XIRP2: variants seen among roughly 807,000 people sequenced by gnomAD.
The protein encoded by XIRP2 is xin actin-binding repeat-containing protein 2.
XIRP2 carries 236 observed loss-of-function variants against 277.0 expected under a neutral mutation model. The observed-to-expected ratio is 0.85, with a 90% CI of 0.77 to 0.95. The LOEUF (loss-of-function observed/expected upper bound fraction) is 0.95, where lower values mean the gene tolerates loss of function less well. Ranked by LOEUF, XIRP2 falls within the 40% of genes least tolerant of loss-of-function variation. XIRP2 has a pLI of 0.00. For synonymous variants in XIRP2, 1,490 were observed against 1,416.5 expected (o/e 1.05, Z -1.17); for missense variants, 4,640 against 4,157.5 (o/e 1.12, Z -3.19).
At chr2:167,229,691 A>G (rs2105415347) in intron 5 of XIRP2, among the ~76,000 whole-genome samples, 1 of 152,206 alleles carries the variant, frequency 6.6e-6, no homozygotes, top group East Asian at 1.9e-4. Context: ...TTTGATGTTC[A>G]TTTAGTTATT....
intron 1 of XIRP2, among the ~76,000 whole-genome samples, chr2:166,889,204 C>T (rs1283333006): frequency 6.6e-6 from 1 of 152,200 alleles, no homozygotes; most frequent in African/African-American, 2.4e-5. Context: ...TTCTTAGGCA[C>T]TCCAACAAGG....
chr2:166,932,635 A>T (rs1286626944), intron 2 of XIRP2, among the ~76,000 whole-genome samples: 1 of 152,124 alleles, frequency 6.6e-6, no homozygotes, highest in Admixed American at 6.6e-5. Flanking sequence ...TATTATAATA[A>T]TATTTCTATA....
intron 2 of XIRP2, among the ~76,000 whole-genome samples, chr2:167,007,206 G>A (rs552881103): frequency 6.6e-6 from 1 of 151,542 alleles, no homozygotes; most frequent in African/African-American, 2.4e-5. Context: ...AACCACACTT[G>A]AGCCTGGGTC....
At chr2:166,914,995 T>G (rs1172016025) in intron 2 of XIRP2, among the ~76,000 whole-genome samples, 2 of 152,000 alleles carry the variant, frequency 1.3e-5, no homozygotes, top group African/African-American at 4.8e-5. Context: ...GTTTGTTTGT[T>G]TTTTAAAAAA....
At position 167,245,785 on chromosome 2, in the gene XIRP2, AGAG is replaced by A. The variant is rs747643133; in HGVS notation, c.4397_4399del (p.Gly1466del). 5.6e-6 allele frequency: 9 copies of A among 1,613,802 alleles called. No individual in the cohort carries two copies. Among genetic ancestry groups the A allele is most frequent in the Admixed American group, 1.7e-5 (1 of 59,994 alleles). On this transcript the variant is annotated inframe_deletion, in exon 9 of 11. Coordinates refer to ENST00000409195, the MANE Select transcript of XIRP2 (RefSeq NM_152381.6). Reference sequence around the variant, plus strand: ...TGAAACCCACACTATGGATGAACTGAGAGGAGAAGGGTTAGAATATGAAAATAT... The same window carrying A: ...TGAAACCCACACTATGGATGAACTGAGAGAAGGGTTAGAATATGAAAATAT...
At chr2:166,987,991 C>A (rs543969365) in intron 2 of XIRP2, among the ~76,000 whole-genome samples, 1 of 152,258 alleles carries the variant, frequency 6.6e-6, no homozygotes, top group South Asian at 2.1e-4. Context: ...TATAAAATAA[C>A]CACGAAGCAA....
rs1692079971 is a variant in XIRP2, at chr2:167,153,431, A to C, written c.562+17369A>C. Among the ~76,000 whole-genome samples the C allele has an allele frequency of 4.6e-5, 7 of 151,840 alleles. No individual in the cohort carries two copies. In the South Asian group the frequency reaches 1.5e-3, roughly 32 times the overall value. ...TTTTATTTTATTGTTATTATACTTT[A>C]AGTTTTAGGGTACATGTGCACAATG... On this transcript the variant is annotated intron_variant, in intron 3 of 10. Coordinates refer to ENST00000409195, the MANE Select transcript of XIRP2 (RefSeq NM_152381.6).
intron 2 of XIRP2, among the ~76,000 whole-genome samples, chr2:166,924,590 T>A (rs1251333785): frequency 6.6e-6 from 1 of 152,032 alleles, no homozygotes; most frequent in East Asian, 1.9e-4. Flanking sequence ...ATGACAATGA[T>A]CTCTTCTGTC....
chr2:167,030,514 T>C (rs1688313879), intron 2 of XIRP2, among the ~76,000 whole-genome samples: 1 of 152,202 alleles, frequency 6.6e-6, no homozygotes, highest in African/African-American at 2.4e-5. Flanking sequence ...TTCCATGTAG[T>C]TGTGCAGTTT....
chr2:166,927,074 C>A (rs1325087971), intron 2 of XIRP2, among the ~76,000 whole-genome samples: 1 of 152,054 alleles, frequency 6.6e-6, no homozygotes, highest in Non-Finnish European at 1.5e-5. Context: ...TTTTCTGGGG[C>A]TATTTTCAAG....
At chr2:167,123,332 A>C (rs139418152) in intron 2 of XIRP2, among the ~76,000 whole-genome samples, 74 of 152,276 alleles carry the variant, frequency 4.9e-4, no homozygotes, top group African/African-American at 1.7e-3. Flanking sequence ...GGCTGTAGAC[A>C]CACAACTAGC....
chr2:167,225,387 A>G (rs1241151390), intron 5 of XIRP2, among the ~76,000 whole-genome samples: 1 of 152,124 alleles, frequency 6.6e-6, no homozygotes, highest in Non-Finnish European at 1.5e-5. Flanking sequence ...TAGTTGATGT[A>G]TGGAAGGGAA....
intron 2 of XIRP2, among the ~76,000 whole-genome samples, chr2:167,134,818 G>A (rs1378739396): frequency 6.6e-6 from 1 of 152,142 alleles, no homozygotes; most frequent in African/African-American, 2.4e-5. Context: ...CACAAGCACT[G>A]CAATACTACG....
At chr2:167,081,747 A>G (rs1365077387) in intron 2 of XIRP2, among the ~76,000 whole-genome samples, 3 of 152,170 alleles carry the variant, frequency 2.0e-5, no homozygotes, top group Admixed American at 6.5e-5. Flanking sequence ...AACAGAAATT[A>G]GCACACAAGA....
At chr2:167,186,709 C>T (rs572449071) in intron 3 of XIRP2, among the ~76,000 whole-genome samples, 3 of 152,166 alleles carry the variant, frequency 2.0e-5, no homozygotes, top group African/African-American at 7.2e-5. Context: ...TGCTCTTCCT[C>T]ATGCTGAATG....
At chr2:167,174,326 T>C (rs1437781393) in intron 3 of XIRP2, among the ~76,000 whole-genome samples, 5 of 152,190 alleles carry the variant, frequency 3.3e-5, no homozygotes. Context: ...TTCAACTTCT[T>C]CCTGGTTTAG....
intron 3 of XIRP2, among the ~76,000 whole-genome samples, chr2:167,137,188 G>A (rs1691581298): frequency 6.6e-6 from 1 of 152,190 alleles, no homozygotes; most frequent in Admixed American, 6.5e-5. Context: ...GGAGTGGGAG[G>A]CAGGTGTAGG....
intron 2 of XIRP2, among the ~76,000 whole-genome samples, chr2:167,114,550 T>G (rs1690842568): frequency 6.6e-6 from 1 of 152,102 alleles, no homozygotes; most frequent in African/African-American, 2.4e-5. Context: ...ACCCATTAAC[T>G]GGTCATCTAG....
At chr2:167,196,054 A>AAG (rs1322974360) in intron 3 of XIRP2, among the ~76,000 whole-genome samples, 3 of 150,854 alleles carry the variant, frequency 2.0e-5, no homozygotes, top group African/African-American at 7.3e-5. Context: ...TGTGTGTGTA[A>AAG]AGAGAGAGAG....
Sources: gnomAD v4.1 joint callset for allele counts (sites outside exome capture counted in the v4.1 genomes callset) on GRCh38, gnomAD v4.1.1 for gene constraint, MANE v1.5 for transcripts, NCBI Gene and HGNC (gene_info 2026-07-23, HGNC 2026-07-21) for gene names.